CNTN4: variants seen among roughly 807,000 people sequenced by gnomAD.
CNTN4 encodes the protein contactin-4.
A neutral mutation model predicts 122.5 loss-of-function variants in CNTN4; 77 were observed. The ratio of observed to expected loss-of-function variants is 0.63; its 90% confidence interval spans 0.52 to 0.76. The LOEUF is 0.76. Among genes scored for constraint, CNTN4 ranks in the 30% least tolerant of loss-of-function variants. The pLI is 0.00. For missense variants in CNTN4, 1,256 were observed against 1,259.1 expected, an observed-to-expected ratio of 1.00 and a Z score of 0.04; for synonymous variants, 512 against 447.0, an observed-to-expected ratio of 1.15 and a Z score of -1.83.
intron 3 of CNTN4, among the ~76,000 whole-genome samples, chr3:2,495,321 G>A (rs1181576939): frequency 6.6e-6 from 1 of 152,152 alleles, no homozygotes; most frequent in African/African-American, 2.4e-5. Context: ...TTACCTGTGT[G>A]TTTTGAACTT....
At position 2,413,157 on chromosome 3, in the gene CNTN4, G is replaced by T. The variant is rs575128335; in HGVS notation, c.-89+73924G>T. On this transcript the variant is annotated intron_variant, in intron 3 of 24. Transcript: ENST00000418658. ...GTCTTCTCTAACCAAAATTGTCAGAGGGCTAACTCTTCTCACTCATTTTGG... is the reference window on the plus strand; with the variant it reads ...GTCTTCTCTAACCAAAATTGTCAGATGGCTAACTCTTCTCACTCATTTTGG... Among the ~76,000 whole-genome samples, 19 of 152,218 alleles carry T rather than the reference G, an allele frequency of 1.2e-4. No homozygotes were observed. In the South Asian group the frequency reaches 2.3e-3, roughly 18 times the overall value.
At chr3:2,537,450 G>A (rs920880722) in intron 3 of CNTN4, among the ~76,000 whole-genome samples, 6 of 152,110 alleles carry the variant, frequency 3.9e-5, no homozygotes, top group Non-Finnish European at 1.5e-5. Flanking sequence ...GATACTTTAT[G>A]TTGTCTTTTA....
In CNTN4 at chr3:2,608,027, G is replaced by A. The variant is rs560208506; in HGVS notation, c.55+36469G>A. Among the ~76,000 whole-genome samples, 87 of 152,172 alleles carry A rather than the reference G, an allele frequency of 5.7e-4. 1 individual carries two copies. Among genetic ancestry groups the A allele is most frequent in the African/African-American group, 2.0e-3 (84 of 41,504 alleles). Reference sequence around the variant, plus strand: ...GTGATTGGCTGAATCATCTTTAGGCGTGATGCTTAATTTAGACGTTTAGGT... The same window carrying A: ...GTGATTGGCTGAATCATCTTTAGGCATGATGCTTAATTTAGACGTTTAGGT... On this transcript the variant is annotated intron_variant, in intron 4 of 24. Transcript: ENST00000418658.
intron 1 of CNTN4, among the ~76,000 whole-genome samples, chr3:2,100,352 A>G (rs1463079382): frequency 3.3e-5 from 5 of 152,344 alleles, no homozygotes; most frequent in Middle Eastern, 3.4e-3. Flanking sequence ...GTAACTCCAC[A>G]TAACTGAGTC....
At chr3:2,722,455 G>A (rs974891215) in intron 4 of CNTN4, among the ~76,000 whole-genome samples, 5 of 152,164 alleles carry the variant, frequency 3.3e-5, no homozygotes, top group African/African-American at 9.6e-5. Flanking sequence ...AGGTAGAGAA[G>A]GTCACAGTCA....
At chr3:2,826,567 A>C (rs765607192) in intron 7 of CNTN4, among the ~76,000 whole-genome samples, 4 of 152,200 alleles carry the variant, frequency 2.6e-5, no homozygotes, top group Non-Finnish European at 4.4e-5. Context: ...TCAACTTGCT[A>C]TGTGGTCTTG....
intron 2 of CNTN4, among the ~76,000 whole-genome samples, chr3:2,329,584 G>A (rs1269305183): frequency 2.6e-5 from 4 of 152,190 alleles, no homozygotes; most frequent in East Asian, 1.9e-4. Flanking sequence ...CACCAGGAAT[G>A]AGGCCCACTA....
At chr3:2,374,060 T>C (rs2045730444) in intron 3 of CNTN4, among the ~76,000 whole-genome samples, 1 of 152,224 alleles carries the variant, frequency 6.6e-6, no homozygotes, top group Admixed American at 6.5e-5. Context: ...ATGGCAGGAA[T>C]ATTTAGCAGC....
At chr3:2,226,268 C>T (rs938975423) in intron 2 of CNTN4, among the ~76,000 whole-genome samples, 1 of 152,152 alleles carries the variant, frequency 6.6e-6, no homozygotes, top group African/African-American at 2.4e-5. Context: ...GCCTCGTCTA[C>T]ATTTTGACAC....
chr3:3,042,960 T>C lies in CNTN4; in HGVS notation c.2512-17T>C. 2 of 1,607,362 alleles carry C rather than the reference T, an allele frequency of 1.2e-6. No individual in the cohort carries two copies. The highest frequency in any genetic ancestry group is 1.7e-6 in the Non-Finnish European group (2 of 1,173,908). ...CATTGGGTATGGTTTCCAAGGTCTT[T>C]CTGTTTATCTTCTTAGGTTAAATAT... On this transcript the variant is annotated splice_polypyrimidine_tract_variant and intron_variant, in intron 21 of 24. Transcript: ENST00000418658.
At chr3:2,702,232 G>A (rs890964090) in intron 4 of CNTN4, among the ~76,000 whole-genome samples, 1 of 152,218 alleles carries the variant, frequency 6.6e-6, no homozygotes, top group Non-Finnish European at 1.5e-5. Flanking sequence ...TACTGTGACA[G>A]CACCCATAAG....
intron 2 of CNTN4, among the ~76,000 whole-genome samples, chr3:2,228,733 T>G (rs528882567): frequency 1.3e-5 from 2 of 152,168 alleles, no homozygotes; most frequent in Non-Finnish European, 2.9e-5. Context: ...TTGTAATATA[T>G]ATGAATGACT....
At chr3:2,282,711 A>C (rs1305261702) in intron 2 of CNTN4, among the ~76,000 whole-genome samples, 1 of 152,208 alleles carries the variant, frequency 6.6e-6, no homozygotes, top group African/African-American at 2.4e-5. Context: ...TCATAGCAGC[A>C]TTATTTGTAA....
At chr3:2,326,193 G>A (rs12638682) in intron 2 of CNTN4, among the ~76,000 whole-genome samples, 53,747 of 151,994 alleles carry the variant, frequency 0.35, 10,427 homozygotes, top group East Asian at 0.8. Flanking sequence ...ACAAAATAGT[G>A]ACCTTCCCCT....
At chr3:2,355,977 G>C (rs1267889220) in intron 3 of CNTN4, among the ~76,000 whole-genome samples, 2 of 152,174 alleles carry the variant, frequency 1.3e-5, no homozygotes, top group African/African-American at 4.8e-5. Flanking sequence ...CTGCCTTCCA[G>C]ACCTCCCCTC....
At chr3:2,802,164 A>G (rs2092363451) in intron 6 of CNTN4, among the ~76,000 whole-genome samples, 1 of 152,208 alleles carries the variant, frequency 6.6e-6, no homozygotes, top group Admixed American at 6.5e-5. Context: ...TTTACCAGTA[A>G]CATGTATCCA....
At chr3:2,576,259 C>T (rs2079678330) in intron 4 of CNTN4, among the ~76,000 whole-genome samples, 1 of 152,186 alleles carries the variant, frequency 6.6e-6, no homozygotes, top group South Asian at 2.1e-4. Flanking sequence ...GCACATAGTG[C>T]AATTCAATAA....
At chr3:2,850,284 G>T (rs1448795414) in intron 7 of CNTN4, among the ~76,000 whole-genome samples, 1 of 152,066 alleles carries the variant, frequency 6.6e-6, no homozygotes, top group Non-Finnish European at 1.5e-5. Flanking sequence ...CTCCGCGCCT[G>T]GCCAGCAATC....
chr3:2,717,639 T>A (rs12495517), intron 4 of CNTN4, among the ~76,000 whole-genome samples: 26,265 of 152,068 alleles, frequency 0.17, 2,381 homozygotes, highest in African/African-American at 0.22. Flanking sequence ...AAACCTGGGG[T>A]TGGTTTCGGG....
Sources: gnomAD v4.1 joint callset for allele counts (sites outside exome capture counted in the v4.1 genomes callset) on GRCh38, gnomAD v4.1.1 for gene constraint, MANE v1.5 for transcripts, NCBI Gene and HGNC (gene_info 2026-07-23, HGNC 2026-07-21) for gene names.